Variants in SASH1 observed in about 807,000 individuals in gnomAD.
The protein encoded by SASH1 is SAM and SH3 domain-containing protein 1.
SASH1 carries 44 observed loss-of-function variants against 125.2 expected under a neutral mutation model. The observed-to-expected ratio is 0.35, with a 90% CI of 0.28 to 0.45. The LOEUF is 0.45. Among genes scored for constraint, SASH1 ranks in the 20% least tolerant of loss-of-function variants. The pLI, the probability that SASH1 is intolerant of heterozygous loss-of-function variation, is 1.00. For synonymous variants in SASH1, 639 were observed against 649.1 expected, an observed-to-expected ratio of 0.98 and a Z score of 0.24; for missense variants, 1,426 against 1,614.5, an observed-to-expected ratio of 0.88 and a Z score of 2.00.
At chr6:148,466,494 C>T (rs2090216447) in intron 4 of SASH1, among the ~76,000 whole-genome samples, 1 of 152,168 alleles carries the variant, frequency 6.6e-6, no homozygotes, top group Admixed American at 6.5e-5. Flanking sequence ...CTCTGGTCAC[C>T]TTAGATTCTC....
chr6:148,319,814 C>G (rs1292656663), intron 1 of SASH1, among the ~76,000 whole-genome samples: 1 of 151,992 alleles, frequency 6.6e-6, no homozygotes, highest in South Asian at 2.1e-4. Context: ...GCACCCGGCC[C>G]GATGTATAAG....
Position 148,531,675 on chromosome 6 carries a change from G to A in SASH1, c.1564+14G>A. The stretch of plus-strand genomic sequence containing the variant: ...AGAGCTCCATGAGTAAGTCGAGTTT[G>A]TCATTGTAGATTATTTTCTTTGGAG... On this transcript the variant is annotated intron_variant, in intron 13 of 19. Transcript: ENST00000367467. 2 of 1,491,294 alleles carry A rather than the reference G, an allele frequency of 1.3e-6. No homozygotes were observed. Among genetic ancestry groups the A allele is most frequent in the East Asian group, 2.5e-5 (1 of 40,078 alleles). 92.4% of individuals were successfully genotyped at this position (1,491,294 alleles called of 1,614,324 possible).
At chr6:148,269,288 CTTTTTTAA>C (rs1228908385), upstream of SASH1, among the ~76,000 whole-genome samples, 1 of 151,726 alleles carries the variant, frequency 6.6e-6, no homozygotes, top group Non-Finnish European at 1.5e-5. Context: ...TGGTTTTTGT[CTTTTTTAA>C]TTTTTTTTTT....
intron 1 of SASH1, among the ~76,000 whole-genome samples, chr6:148,385,160 C>T (rs1023848536): frequency 6.6e-6 from 1 of 152,120 alleles, no homozygotes; most frequent in African/African-American, 2.4e-5. Flanking sequence ...AGCAGCTGTG[C>T]CACCCTTTTC....
In SASH1 at chr6:148,544,598, C is replaced by G. The variant is rs1035218502; in HGVS notation, c.3128C>G (p.Pro1043Arg). The G allele has an allele frequency of 6.2e-7, 1 of 1,613,280 alleles. No homozygotes were observed. Among genetic ancestry groups the G allele is most frequent in the Non-Finnish European group, 8.5e-7 (1 of 1,179,906 alleles). Reference protein sequence around the residue: ...SDCPPALAPRPLSGQAPGSPP... With the variant: ...SDCPPALAPRRLSGQAPGSPP... ...TGTCCCCCAGCACTGGCTCCCAGGC[C>G]TCTCTCAGGGCAGGCGCCTGGCAGC... Residue 1043 changes from proline to arginine, a missense_variant, in exon 18 of 20, where the codon CCT (proline) becomes CGT (arginine). Physicochemically the swap from Pro to Arg is moderately radical, Grantham distance 103. Around this residue, in one of 3 missense-constraint regions of SASH1, gnomAD observed 634 missense variants for 694.4 expected, o/e 0.91. Transcript: ENST00000367467. This position sits in a 1 kb window ranked among gnomAD's most constrained non-coding sequence, Gnocchi z 6.4.
chr6:148,439,131 A>G (rs1159508409), intron 2 of SASH1, among the ~76,000 whole-genome samples: 1 of 152,194 alleles, frequency 6.6e-6, no homozygotes, highest in Non-Finnish European at 1.5e-5. Flanking sequence ...TAATTTGTTT[A>G]TCTAAATACT....
At chr6:148,449,337 T>A (rs1008071361) in intron 4 of SASH1, among the ~76,000 whole-genome samples, 2 of 151,808 alleles carry the variant, frequency 1.3e-5, no homozygotes, top group African/African-American at 4.8e-5. Context: ...CCCGAAGTGC[T>A]AGGATTACAG....
chr6:148,197,047 C>A, the SASH1 span, among the ~76,000 whole-genome samples: 3 of 152,128 alleles, frequency 2.0e-5, no homozygotes, highest in Non-Finnish European at 2.9e-5. Flanking sequence ...TCTTGAAGAC[C>A]AAACAGAGGA....
chr6:148,405,712 A>G (rs1213773950), intron 2 of SASH1, among the ~76,000 whole-genome samples: 2 of 151,994 alleles, frequency 1.3e-5, no homozygotes, highest in African/African-American at 2.4e-5. Context: ...CTGAGGCCGT[A>G]TGCACTCACT....
chr6:148,541,419 A>G (rs570465194), intron 17 of SASH1, among the ~76,000 whole-genome samples: 4 of 152,180 alleles, frequency 2.6e-5, no homozygotes, highest in African/African-American at 7.2e-5. Context: ...GTAAGACAAA[A>G]TAGAATACAA....
the SASH1 span, among the ~76,000 whole-genome samples, chr6:148,224,095 C>A: frequency 2.6e-5 from 4 of 152,068 alleles, no homozygotes; most frequent in African/African-American, 9.7e-5. Context: ...GGAGTTTGAG[C>A]CCAGCCTGAG....
chr6:148,199,309 G>A, the SASH1 span, among the ~76,000 whole-genome samples: 1 of 151,542 alleles, frequency 6.6e-6, no homozygotes, highest in African/African-American at 2.4e-5. Context: ...AGAGGCAGAG[G>A]TTGCAGTGAG....
intron 4 of SASH1, among the ~76,000 whole-genome samples, chr6:148,448,115 A>AGAGAGTGTGT (rs374141600): frequency 1.4e-5 from 2 of 146,922 alleles, no homozygotes; most frequent in South Asian, 2.2e-4. Flanking sequence ...CAGTGGAGAG[A>AGAGAGTGTGT]GTGTGTGTGT....
At chr6:148,448,441 G>C (rs1776912929) in intron 4 of SASH1, among the ~76,000 whole-genome samples, 1 of 152,062 alleles carries the variant, frequency 6.6e-6, no homozygotes. Context: ...GGCTTCATAG[G>C]AACCTAACCA....
chr6:148,423,221 G>A (rs1176125986), intron 2 of SASH1, among the ~76,000 whole-genome samples: 1 of 152,216 alleles, frequency 6.6e-6, no homozygotes, highest in Non-Finnish European at 1.5e-5. Context: ...ACAGGCGTGA[G>A]CCACCGCGCC....
At chr6:148,469,402 TGGGAGAA>T (rs374314485) in intron 5 of SASH1, among the ~76,000 whole-genome samples, 3 of 152,250 alleles carry the variant, frequency 2.0e-5, no homozygotes, top group Non-Finnish European at 4.4e-5. Flanking sequence ...AACATGAAAA[TGGGAGAA>T]GGGAGAAGGG....
chr6:148,512,655 A>G (rs1342205362), intron 8 of SASH1: 1 of 984,274 alleles, frequency 1.0e-6, no homozygotes, highest in Non-Finnish European at 1.2e-6. Flanking sequence ...TTTTAAGCCT[A>G]ATTGTCAGCA....
chr6:148,244,996 A>G, the SASH1 span, among the ~76,000 whole-genome samples: 37,158 of 149,698 alleles, frequency 0.25, 5,093 homozygotes, highest in Non-Finnish European at 0.3. Flanking sequence ...GAAAGATTAC[A>G]AGCTGTATCT....
At chr6:148,341,188 T>C (rs1781310103), upstream of SASH1, among the ~76,000 whole-genome samples, 1 of 152,046 alleles carries the variant, frequency 6.6e-6, no homozygotes, top group Non-Finnish European at 1.5e-5. Context: ...TCTTCCTCTG[T>C]CACCCAGGCT....
Sources: allele counts gnomAD v4.1 joint callset (sites outside exome capture counted in the v4.1 genomes callset), GRCh38; gene constraint gnomAD v4.1.1; regional missense constraint gnomAD v4.1.1; non-coding constraint Gnocchi (gnomAD v3.1); transcripts MANE v1.5; gene names NCBI Gene and HGNC (gene_info 2026-07-23, HGNC 2026-07-21).